TUSC7: variants seen among roughly 807,000 people sequenced by gnomAD.
The protein encoded by TUSC7 is LSAMP antisense RNA 3.
chr3:116,714,683 A>G (rs1576301988), intron 1 of TUSC7, among the ~76,000 whole-genome samples: 1 of 152,152 alleles, frequency 6.6e-6, no homozygotes, highest in East Asian at 1.9e-4. Flanking sequence ...CATTTTTTAA[A>G]AGATTTAATT....
At position 116,716,422 on chromosome 3, in the gene TUSC7, C is replaced by T. The variant is rs569095392; in HGVS notation, n.99-1339C>T. ...TAGACTCAGTGAATCACCAAGGAAA[C>T]ATGAGGCCTATTTCTCTGTGAAGCT... is the stretch of plus-strand genomic sequence containing the variant. On this transcript the variant is annotated intron_variant and non_coding_transcript_variant, in intron 1 of 2. Coordinates refer to ENST00000477805, the Ensembl canonical transcript of TUSC7. The T allele has an allele frequency of 3.9e-5, 6 of 152,222 alleles. No homozygotes were observed. The East Asian group carries it at 1.2e-3, about 29-fold the overall frequency. The allele number at this position is 152,222 out of a possible 1,614,324, so 9.4% of individuals were successfully genotyped here.
chr3:116,715,152 A>G (rs2051495084), intron 1 of TUSC7, among the ~76,000 whole-genome samples: 1 of 152,146 alleles, frequency 6.6e-6, no homozygotes, highest in African/African-American at 2.4e-5. Context: ...ATGCATTTTC[A>G]TGGCTTGATA....
chr3:116,711,084 G>T (rs1327895490), intron 1 of TUSC7, among the ~76,000 whole-genome samples: 1 of 152,084 alleles, frequency 6.6e-6, no homozygotes, highest in Non-Finnish European at 1.5e-5. Context: ...TAGGATAAAG[G>T]TATCAAGGGG....
chr3:116,711,812 G>T (rs982566801), intron 1 of TUSC7, among the ~76,000 whole-genome samples: 11 of 152,106 alleles, frequency 7.2e-5, no homozygotes, highest in Non-Finnish European at 1.6e-4. Context: ...GAAAATACTT[G>T]CTTCTGAGTA....
chr3:116,711,983 T>C (rs976300393), intron 1 of TUSC7, among the ~76,000 whole-genome samples: 4 of 152,198 alleles, frequency 2.6e-5, no homozygotes, highest in African/African-American at 9.7e-5. Context: ...GTGAGGCACA[T>C]TTTATGAATT....
chr3:116,715,028 T>A (rs914613655), intron 1 of TUSC7, among the ~76,000 whole-genome samples: 1 of 152,212 alleles, frequency 6.6e-6, no homozygotes, highest in Non-Finnish European at 1.5e-5. Flanking sequence ...ACTCATCTTT[T>A]CACTGTTTCC....
chr3:116,714,608 G>A (rs536848743), intron 1 of TUSC7, among the ~76,000 whole-genome samples: 1 of 152,290 alleles, frequency 6.6e-6, no homozygotes, highest in East Asian at 1.9e-4. Context: ...AGCAAGACCT[G>A]TAGGGTATTT....
chr3:116,716,201 T>C (rs745693835), intron 1 of TUSC7: 1 of 152,178 alleles, frequency 6.6e-6, no homozygotes, highest in Admixed American at 6.6e-5. Flanking sequence ...GCACCTCAAA[T>C]AAAGGTGGGG....
intron 1 of TUSC7, among the ~76,000 whole-genome samples, chr3:116,715,626 G>A (rs2051499113): frequency 6.6e-6 from 1 of 152,152 alleles, no homozygotes; most frequent in Admixed American, 6.5e-5. Flanking sequence ...ATTTTCTTTG[G>A]TAAGGTGTCA....
At chr3:116,712,657 G>A (rs2051471786) in intron 1 of TUSC7, 1 of 152,134 alleles carries the variant, frequency 6.6e-6, no homozygotes, top group Non-Finnish European at 1.5e-5. Flanking sequence ...AGGGAAGAGA[G>A]GGAACTTTTT....
chr3:116,712,672 T>C (rs2051471921), intron 1 of TUSC7: 1 of 151,978 alleles, frequency 6.6e-6, no homozygotes, highest in African/African-American at 2.4e-5. Context: ...CTTTTTAGAA[T>C]GGTCTGGGGA....
intron 1 of TUSC7, chr3:116,712,295 G>A (rs1019385854): frequency 6.6e-6 from 1 of 152,018 alleles, no homozygotes; most frequent in African/African-American, 2.4e-5. Flanking sequence ...TTTTCCCTAG[G>A]GACAATGAAT....
intron 1 of TUSC7, chr3:116,712,934 G>A (rs983941172): frequency 1.5e-4 from 23 of 152,068 alleles, no homozygotes; most frequent in African/African-American, 5.1e-4. Context: ...CTTACCAAGT[G>A]CTTCTACATG....
At chr3:116,711,879 G>A (rs1021659138) in intron 1 of TUSC7, among the ~76,000 whole-genome samples, 2 of 152,126 alleles carry the variant, frequency 1.3e-5, no homozygotes, top group Non-Finnish European at 2.9e-5. Context: ...CACTCAGCCT[G>A]CAAGTAAACC....
chr3:116,711,624 T>C lies in TUSC7; in HGVS notation n.98+1748T>C, dbSNP rs914139481. The stretch of plus-strand genomic sequence containing the variant: ...CCATACCACCTGCTAGAGGGTGACA[T>C]GCATCTCATTAAAGATAGCTGCCAT... On this transcript the variant is annotated intron_variant and non_coding_transcript_variant, in intron 1 of 2. Transcript: ENST00000477805. 2.0e-5 allele frequency among the ~76,000 whole-genome samples: 3 copies of C among 152,170 alleles called. 1 individual carries two copies. Among genetic ancestry groups the C allele is most frequent in the African/African-American group, 7.2e-5 (3 of 41,440 alleles).
At chr3:116,711,762 C>G (rs1026682385) in intron 1 of TUSC7, among the ~76,000 whole-genome samples, 5 of 152,132 alleles carry the variant, frequency 3.3e-5, no homozygotes, top group African/African-American at 1.2e-4. Context: ...AATAAAGCAT[C>G]TCATGAAATA....
chr3:116,716,278 A>G (rs1395650134), intron 1 of TUSC7: 3 of 152,172 alleles, frequency 2.0e-5, no homozygotes, highest in Admixed American at 1.3e-4. Flanking sequence ...TTTGCAAGAA[A>G]TTGTTAAGTT....
intron 1 of TUSC7, among the ~76,000 whole-genome samples, chr3:116,714,886 C>T (rs1483678776): frequency 2.6e-5 from 4 of 152,108 alleles, no homozygotes; most frequent in Non-Finnish European, 5.9e-5. Flanking sequence ...TGGTTTTGTG[C>T]ATTCCATGGG....
chr3:116,715,104 G>C (rs530663664), intron 1 of TUSC7, among the ~76,000 whole-genome samples: 38 of 152,172 alleles, frequency 2.5e-4, no homozygotes, highest in Non-Finnish European at 4.4e-4. Flanking sequence ...TTTCAGATTG[G>C]CTTCTTTTAC....
Sources: allele counts gnomAD v4.1 joint callset (sites outside exome capture counted in the v4.1 genomes callset), GRCh38; gene constraint gnomAD v4.1.1; transcripts MANE v1.5; gene names NCBI Gene and HGNC (gene_info 2026-07-23, HGNC 2026-07-21).